The following SGSM2 variants were observed in gnomAD, a reference collection of about 807,000 sequenced individuals.
The protein encoded by SGSM2 is small G protein signaling modulator 2.
SGSM2 carries 89 observed loss-of-function variants against 126.6 expected under a neutral mutation model. The ratio of observed to expected loss-of-function variants is 0.70; its 90% CI spans 0.59 to 0.84. The LOEUF is 0.84. Ranked by LOEUF, SGSM2 falls within the 40% of genes least tolerant of loss-of-function variation. The probability of loss-of-function intolerance (pLI) is 0.00; values close to 1 mark genes in which losing one functional copy is unlikely to be tolerated. For missense variants in SGSM2, 1,404 were observed against 1,416.6 expected, an observed-to-expected ratio of 0.99 and a Z score of 0.14; for synonymous variants, 614 against 574.3, an observed-to-expected ratio of 1.07 and a Z score of -0.99.
At chr17:2,342,836 G>A (rs2064435528) in intron 1 of SGSM2, among the ~76,000 whole-genome samples, 1 of 152,070 alleles carries the variant, frequency 6.6e-6, no homozygotes, top group Non-Finnish European at 1.5e-5. Flanking sequence ...AATTAGCAGG[G>A]CGTGGTGGCA....
chr17:2,353,141 T>G (rs2064942244), intron 2 of SGSM2, among the ~76,000 whole-genome samples: 1 of 152,092 alleles, frequency 6.6e-6, no homozygotes, highest in Non-Finnish European at 1.5e-5. Flanking sequence ...ACACCTTAGC[T>G]TGTCTCAGCC....
In SGSM2 at chr17:2,380,387, G is replaced by A. The variant is rs2077203201; in HGVS notation, c.*867G>A. 7.6e-7 allele frequency: 1 copy of A among 1,313,220 alleles called. No homozygotes were observed. Among genetic ancestry groups the A allele is most frequent in the Non-Finnish European group, 1.1e-6 (1 of 945,088 alleles). The allele number at this position is 1,313,220 out of a possible 1,614,324, so 81.3% of individuals were successfully genotyped here. A position where few individuals can be genotyped will look rare whatever the true frequency, so the allele number is the denominator to read the frequency against. On this transcript the variant is annotated 3_prime_UTR_variant, in exon 24 of 24. Coordinates refer to ENST00000268989, the MANE Select transcript of SGSM2 (RefSeq NM_014853.3). ...TCTGTCGGGGAAGAATCCGGTCACA[G>A]CCTCCCCTCAGAGACAGGCCTCAGT...
intron 2 of SGSM2, among the ~76,000 whole-genome samples, chr17:2,354,867 T>G: frequency 7.2e-6 from 1 of 138,800 alleles, no homozygotes; most frequent in African/African-American, 3.1e-5. Flanking sequence ...TATCTTAGAA[T>G]GGTGGAATCG....
Position 2,363,729 on chromosome 17 carries a change from C to A in SGSM2, c.807+130C>A. 7.5e-7 allele frequency: 1 copy of A among 1,335,660 alleles called. No individual in the cohort carries two copies. The highest frequency in any genetic ancestry group is 1.0e-6 in the Non-Finnish European group (1 of 982,530). 82.7% of individuals were successfully genotyped at this position (1,335,660 alleles called of 1,614,324 possible). A position where few individuals can be genotyped will look rare whatever the true frequency, so the allele number is the denominator to read the frequency against. On this transcript the variant is annotated intron_variant, in intron 7 of 23. Transcript: ENST00000268989. This position sits in a 1 kb window ranked among gnomAD's most constrained non-coding sequence, Gnocchi z 4.2. Reference sequence around the variant, plus strand: ...GGGGGGGAGAATGGCCCCAGCCTCCCAACTCCCTGTTTCACACGACTCACG... The same window carrying A: ...GGGGGGGAGAATGGCCCCAGCCTCCAAACTCCCTGTTTCACACGACTCACG...
Position 2,373,403 on chromosome 17 carries a change from C to T in SGSM2, c.1990C>T (p.Gln664Ter), listed in dbSNP as rs2065974323. The T allele has an allele frequency of 1.2e-6, 2 of 1,612,496 alleles. No homozygotes were observed. Among genetic ancestry groups the T allele is most frequent in the Non-Finnish European group, 1.7e-6 (2 of 1,179,996 alleles). Residue 664 changes from glutamine to a stop codon, truncating the protein, a stop_gained, in exon 17 of 24, where the codon CAG becomes TAG. Coordinates refer to ENST00000268989, the MANE Select transcript of SGSM2 (RefSeq NM_014853.3). LOFTEE classifies it high-confidence loss of function. ...GAAGGCCTGCGAGGTGGTGGTGAGGCAGCGGGAGCGGGAGGCCCACCCAGC... is the reference window on the plus strand; with the variant it reads ...GAAGGCCTGCGAGGTGGTGGTGAGGTAGCGGGAGCGGGAGGCCCACCCAGC... Reference protein sequence around the residue: ...EWKACEVVVRQREREAHPATR... With the variant: ...EWKACEVVVR
At chr17:2,373,762 T>C (rs546349448) in intron 17 of SGSM2, 87 of 490,004 alleles carry the variant, frequency 1.8e-4, no homozygotes, top group African/African-American at 1.5e-3. Context: ...TAGGGAAAGA[T>C]GGACTTACTG....
Position 2,380,016 on chromosome 17 carries a change from G to A in SGSM2, c.*496G>A. On this transcript the variant is annotated 3_prime_UTR_variant, in exon 24 of 24. Coordinates refer to ENST00000268989, the MANE Select transcript of SGSM2 (RefSeq NM_014853.3). ...AGCTGGAGCAACCAAAACTGCTTCTGGTTTAGGCACACGTCACGGGTGCGG... is the reference window on the plus strand; with the variant it reads ...AGCTGGAGCAACCAAAACTGCTTCTAGTTTAGGCACACGTCACGGGTGCGG... 1 of 1,398,968 alleles carries A rather than the reference G, an allele frequency of 7.1e-7. No homozygotes were observed. 86.7% of individuals were successfully genotyped at this position (1,398,968 alleles called of 1,614,324 possible). A position where few individuals can be genotyped will look rare whatever the true frequency, so the allele number is the denominator to read the frequency against.
chr17:2,359,151 A>G (rs1031387565), intron 2 of SGSM2, among the ~76,000 whole-genome samples: 3 of 152,178 alleles, frequency 2.0e-5, no homozygotes, highest in Non-Finnish European at 4.4e-5. Flanking sequence ...TGCTGGGATT[A>G]CAGGCGTGAG....
At position 2,347,764 on chromosome 17, in the gene SGSM2, C is replaced by T. The variant is rs181705287; in HGVS notation, c.133+4144C>T. On this transcript the variant is annotated intron_variant, in intron 2 of 23. Transcript: ENST00000268989. ...AACTGGGATTACAGGTGCATACCACCGCCCGAGGTCCATAGTGTTTTATTT... is the reference window on the plus strand; with the variant it reads ...AACTGGGATTACAGGTGCATACCACTGCCCGAGGTCCATAGTGTTTTATTT... Among the ~76,000 whole-genome samples, 12 of 152,082 alleles carry T rather than the reference C, an allele frequency of 7.9e-5. No individual in the cohort carries two copies. The East Asian group carries it at 1.5e-3, about 20-fold the overall frequency.
At position 2,362,037 on chromosome 17, in the gene SGSM2, C is replaced by A; in HGVS notation, c.297-72C>A. ...GCTCCCATCTTGGGGTACCAAGCCCCACTCCCAATGCCAGCATTCTGGGGT... is the reference window on the plus strand; with the variant it reads ...GCTCCCATCTTGGGGTACCAAGCCCAACTCCCAATGCCAGCATTCTGGGGT... On this transcript the variant is annotated intron_variant, in intron 3 of 23. Transcript: ENST00000268989. This position sits in a 1 kb window ranked among gnomAD's most constrained non-coding sequence, Gnocchi z 4.9. The A allele has an allele frequency of 1.3e-6, 2 of 1,529,988 alleles. No individual in the cohort carries two copies. The highest frequency in any genetic ancestry group is 1.8e-6 in the Non-Finnish European group (2 of 1,138,926). The allele number at this position is 1,529,988 out of a possible 1,614,324, so 94.8% of individuals were successfully genotyped here.
intron 13 of SGSM2, 164 bp downstream of exon 13, chr17:2,371,579 T>C (rs62067018): frequency 0.057 from 45,027 of 791,776 alleles, 1,927 homozygotes; most frequent in African/African-American, 0.15. Flanking sequence ...TTACAAGTTA[T>C]GGAATTACCA....
rs2065932116 is a variant in SGSM2 at position 2,372,717 on chromosome 17, G to A, written c.1788+229G>A. ...ACATCGCCCTGTGACCCTGGACAAA[G>A]CTTTGCCTCTCTCCGGGCGCCATTT... On this transcript the variant is annotated intron_variant, in intron 15 of 23. Transcript: ENST00000268989. This position sits in a 1 kb window ranked among gnomAD's most constrained non-coding sequence, Gnocchi z 6.0. 1.2e-6 allele frequency: 1 copy of A among 802,866 alleles called. No homozygotes were observed. Among genetic ancestry groups the A allele is most frequent in the Admixed American group, 2.9e-5 (1 of 33,986 alleles). 49.7% of individuals were successfully genotyped at this position (802,866 alleles called of 1,614,324 possible).
rs114242009 is a variant in SGSM2, at chr17:2,379,658, G to C, written c.*138G>C. ...ACAAAGCGGTTGTGAGCCTGGATCC[G>C]ACTCCCGGCAGTGCTGACCCTGCAG... is the stretch of plus-strand genomic sequence containing the variant. On this transcript the variant is annotated 3_prime_UTR_variant, in exon 24 of 24. Transcript: ENST00000268989. 6.9e-7 allele frequency: 1 copy of C among 1,459,464 alleles called. No individual in the cohort carries two copies. The highest frequency in any genetic ancestry group is 1.4e-5 in the South Asian group (1 of 72,946). 90.4% of individuals were successfully genotyped at this position (1,459,464 alleles called of 1,614,324 possible).
intron 12 of SGSM2, among the ~76,000 whole-genome samples, chr17:2,368,567 A>C (rs1019071778): frequency 6.6e-6 from 1 of 152,200 alleles, no homozygotes; most frequent in African/African-American, 2.4e-5. Context: ...CCGGGCAGGC[A>C]GGACGGCCTG....
rs1424896783 is a variant in SGSM2 at position 2,367,088 on chromosome 17, C to T, written c.1289-183C>T. On this transcript the variant is annotated intron_variant, in intron 11 of 23. Coordinates refer to ENST00000268989, the MANE Select transcript of SGSM2 (RefSeq NM_014853.3). The surrounding 1 kb of genome is among the most constrained non-coding windows in gnomAD (Gnocchi z 4.0). ...TTCTGCAGCTGCCCCAGCCCCTCGC[C>T]TCCTTCCACACTCTCCCAGGAAAAT... 2 of 659,854 alleles carry T rather than the reference C, an allele frequency of 3.0e-6. No homozygotes were observed. Among genetic ancestry groups the T allele is most frequent in the Admixed American group, 6.1e-5 (2 of 33,050 alleles). 40.9% of individuals were successfully genotyped at this position (659,854 alleles called of 1,614,324 possible).
At chr17:2,364,714 G>A (rs756180004) in intron 9 of SGSM2, 51 bp downstream of exon 9, 3 of 1,600,494 alleles carry the variant, frequency 1.9e-6, no homozygotes, top group East Asian at 2.2e-5. Context: ...GCTGCCTTCT[G>A]CCAGCTGTGC....
At chr17:2,366,276 C>T (rs986484705) in intron 11 of SGSM2, among the ~76,000 whole-genome samples, 13 of 152,194 alleles carry the variant, frequency 8.5e-5, no homozygotes, top group African/African-American at 2.7e-4. Context: ...TGTCTATGTG[C>T]ATCTACCAAC....
chr17:2,371,911 T>TG (rs2065889294), intron 13 of SGSM2: 5 of 505,810 alleles, frequency 9.9e-6, no homozygotes, highest in African/African-American at 3.9e-5. Context: ...CTCCGCTGCC[T>TG]CTCTCCATTT....
chr17:2,376,194 A>G lies in SGSM2; in HGVS notation c.2542A>G (p.Arg848Gly). 1 of 1,613,804 alleles carries G rather than the reference A, an allele frequency of 6.2e-7. No homozygotes were observed. Among genetic ancestry groups the G allele is most frequent in the Non-Finnish European group, 8.5e-7 (1 of 1,179,874 alleles). ...NLHRIDKDVQ[R>G]CDRNYWYFTP... Reference sequence around the variant, plus strand: ...GCACCGCATAGACAAGGATGTGCAGAGGTGTGACCGCAACTACTGGTACTT... The same window carrying G: ...GCACCGCATAGACAAGGATGTGCAGGGGTGTGACCGCAACTACTGGTACTT... Residue 848 changes from arginine (R) to glycine (G), a missense_variant, in exon 19 of 24, where the codon AGG becomes GGG. Arg to Gly is a moderately radical substitution (Grantham distance 125). Transcript: ENST00000268989.
Sources: gnomAD v4.1 joint callset for allele counts (sites outside exome capture counted in the v4.1 genomes callset) on GRCh38, gnomAD v4.1.1 for gene constraint, Gnocchi (gnomAD v3.1) non-coding constraint, MANE v1.5 for transcripts, NCBI Gene and HGNC (gene_info 2026-07-23, HGNC 2026-07-21) for gene names.